MAP9: variants seen among roughly 807,000 people sequenced by gnomAD.
MAP9 encodes the protein microtubule associated protein 9.
MAP9 carries 80 observed loss-of-function variants against 75.2 expected under a neutral mutation model. That is an observed-to-expected ratio of 1.06 (90% CI 0.89 to 1.28). MAP9 has a LOEUF of 1.28. MAP9 is among the 50% of genes most tolerant of loss of function. The probability of loss-of-function intolerance (pLI) is 0.00; values close to 1 mark genes in which losing one functional copy is unlikely to be tolerated. For synonymous variants in MAP9, 235 were observed against 237.3 expected, an observed-to-expected ratio of 0.99 and a Z score of 0.09; for missense variants, 753 against 719.9, an observed-to-expected ratio of 1.05 and a Z score of -0.53.
chr4:155,363,890 C>G (rs1732202782), intron 5 of MAP9, among the ~76,000 whole-genome samples: 1 of 151,960 alleles, frequency 6.6e-6, no homozygotes, highest in South Asian at 2.1e-4. Flanking sequence ...AATTTCAATG[C>G]ATGTGTAACT....
chr4:155,372,799 TA>T (rs950914504), intron 4 of MAP9, among the ~76,000 whole-genome samples: 2 of 152,184 alleles, frequency 1.3e-5, no homozygotes, highest in Admixed American at 1.3e-4. Context: ...GTTCCACACC[TA>T]CAAACAAAAC....
At chr4:155,375,286 CA>C (rs1418986772) in intron 2 of MAP9, among the ~76,000 whole-genome samples, 1 of 152,172 alleles carries the variant, frequency 6.6e-6, no homozygotes, top group African/African-American at 2.4e-5. Context: ...AAATTAATTG[CA>C]GGTTATAATT....
At chr4:155,357,540 A>G in intron 7 of MAP9, 21 bp from the exon 8 acceptor site, 1 of 1,376,886 alleles carries the variant, frequency 7.3e-7, no homozygotes, top group South Asian at 1.2e-5. Context: ...GAAAATGCCA[A>G]AGATGATTTA....
At chr4:155,376,120 G>A (rs1435318333) in intron 1 of MAP9, among the ~76,000 whole-genome samples, 1 of 152,154 alleles carries the variant, frequency 6.6e-6, no homozygotes, top group East Asian at 1.9e-4. Flanking sequence ...TCCTAAAATA[G>A]TTTTGCAACT....
chr4:155,366,196 T>C (rs919511591), intron 5 of MAP9, among the ~76,000 whole-genome samples: 1 of 151,896 alleles, frequency 6.6e-6, no homozygotes, highest in African/African-American at 2.4e-5. Flanking sequence ...CCGTCTCTAC[T>C]AAAAATACAA....
Position 155,368,719 on chromosome 4 carries a change from TC to T in MAP9, c.574del (p.Asp192MetfsTer3). The T allele has an allele frequency of 6.2e-7, 1 of 1,614,066 alleles. No homozygotes were observed. Among genetic ancestry groups the T allele is most frequent in the African/African-American group, 1.3e-5 (1 of 75,064 alleles). On this transcript the variant is annotated frameshift_variant, in exon 5 of 14. Coordinates refer to ENST00000311277, the MANE Select transcript of MAP9 (RefSeq NM_001039580.2). LOFTEE classifies it high-confidence loss of function. ...GGCAGTTTCTTTATCTTCTAGTCCA[TC>T]CTTCTCCTCCATGTGACTTTTCTTT... The part of the protein sequence containing the change: ...LKKKSHMEEK[D>X]GLEDKETALS...
chr4:155,369,341 A>C lies in MAP9; in HGVS notation c.482-529T>G, dbSNP rs1204230212. Among the ~76,000 whole-genome samples, 86 of 147,498 alleles carry C rather than the reference A, an allele frequency of 5.8e-4. 1 individual carries two copies. The highest frequency in any genetic ancestry group is 4.9e-3 in the Admixed American group (70 of 14,412). ...CAAAAATCCATCTAAAAAAAAAAAA[A>C]AAACCAAACAACAACAACAACAAAA... On this transcript the variant is annotated intron_variant, in intron 4 of 13. Coordinates refer to ENST00000311277, the MANE Select transcript of MAP9 (RefSeq NM_001039580.2).
chr4:155,348,189 T>C (rs1437382850), intron 13 of MAP9, among the ~76,000 whole-genome samples: 1 of 151,756 alleles, frequency 6.6e-6, no homozygotes, highest in Non-Finnish European at 1.5e-5. Context: ...ACACAAAAAT[T>C]AGCCAGGTGT....
intron 4 of MAP9, 88 bp from the exon 5 acceptor site, chr4:155,368,900 T>G: frequency 9.6e-7 from 1 of 1,038,052 alleles, no homozygotes; most frequent in Non-Finnish European, 1.4e-6. Flanking sequence ...TTCCCTCCTG[T>G]GCCTATGCCC....
At position 155,375,868 on chromosome 4, in the gene MAP9, T is replaced by C. The variant is rs1560820755; in HGVS notation, c.-18A>G. 6.4e-7 allele frequency: 1 copy of C among 1,558,192 alleles called. No homozygotes were observed. Among genetic ancestry groups the C allele is most frequent in the South Asian group, 1.1e-5 (1 of 88,162 alleles). On this transcript the variant is annotated 5_prime_UTR_variant, in exon 2 of 14. Coordinates refer to ENST00000311277, the MANE Select transcript of MAP9 (RefSeq NM_001039580.2). ...TCAGACATAGTGTATTTTTTCTCGTTACCTTTATAAAATAGCTAATTATTA... is the reference window on the plus strand; with the variant it reads ...TCAGACATAGTGTATTTTTTCTCGTCACCTTTATAAAATAGCTAATTATTA...
At chr4:155,366,034 T>C (rs1732306933) in intron 5 of MAP9, among the ~76,000 whole-genome samples, 1 of 152,066 alleles carries the variant, frequency 6.6e-6, no homozygotes, top group Non-Finnish European at 1.5e-5. Flanking sequence ...TGAGAAAATT[T>C]TCAAATCTAA....
At chr4:155,352,830 AT>A (rs1731578867) in intron 12 of MAP9, 81 bp downstream of exon 12, 1 of 1,419,742 alleles carries the variant, frequency 7.0e-7, no homozygotes, top group Admixed American at 2.2e-5. Flanking sequence ...GCATTACTAA[AT>A]TTCAAGTAAA....
chr4:155,352,716 C>A lies in MAP9; in HGVS notation c.1701G>T (p.Lys567Asn). 6.6e-7 allele frequency: 1 copy of A among 1,516,184 alleles called. No homozygotes were observed. The highest frequency in any genetic ancestry group is 8.9e-7 in the Non-Finnish European group (1 of 1,118,292). The allele number at this position is 1,516,184 out of a possible 1,614,324, so 93.9% of individuals were successfully genotyped here. A position where few individuals can be genotyped will look rare whatever the true frequency, so the allele number is the denominator to read the frequency against. ...TTTCCTTTTGCTTGAAAAAAGCTTC[C>A]TTTTTTTCATTCCTATAGAGCATAG... ...LTAVEKWNEKKEAFFKQKEKE... is the reference protein window; with the variant it reads ...LTAVEKWNEKNEAFFKQKEKE... Residue 567 changes from lysine (K) to asparagine (N), a missense_variant, in exon 13 of 14, where the codon AAG (lysine) becomes AAT (asparagine). Physicochemically the swap from Lys to Asn is moderately conservative, Grantham distance 94. Coordinates refer to ENST00000311277, the MANE Select transcript of MAP9 (RefSeq NM_001039580.2).
intron 10 of MAP9, chr4:155,354,079 A>G (rs957082904): frequency 1.3e-5 from 2 of 152,246 alleles, no homozygotes; most frequent in Admixed American, 6.6e-5. Flanking sequence ...CACTGACCAC[A>G]GCAGCATACT....
rs1237097752 is a variant in MAP9, at chr4:155,355,801, G to A, written c.1205C>T (p.Thr402Ile). 1.2e-6 allele frequency: 2 copies of A among 1,613,860 alleles called. No individual in the cohort carries two copies. Among genetic ancestry groups the A allele is most frequent in the Admixed American group, 1.7e-5 (1 of 59,986 alleles). ...AGGTTTTTGGTCCAAGACTTTTAAAGTCCCTAAATAGTGAGAAGAGGTAGT... is the reference window on the plus strand; with the variant it reads ...AGGTTTTTGGTCCAAGACTTTTAAAATCCCTAAATAGTGAGAAGAGGTAGT... ...STTTSSHYLGTLKVLDQKPSQ... is the reference protein window; with the variant it reads ...STTTSSHYLGILKVLDQKPSQ... The change falls in exon 9 of 14, where the codon ACT (threonine) becomes ATT (isoleucine). Residue 402 changes from threonine to isoleucine, a missense_variant. Coordinates refer to ENST00000311277, the MANE Select transcript of MAP9 (RefSeq NM_001039580.2).
At chr4:155,348,629 C>T (rs1340493957) in intron 13 of MAP9, among the ~76,000 whole-genome samples, 3 of 151,988 alleles carry the variant, frequency 2.0e-5, no homozygotes, top group African/African-American at 2.4e-5. Flanking sequence ...AAAAATTCTG[C>T]CTCATGTTTC....
chr4:155,360,267 T>G lies in MAP9; in HGVS notation c.951A>C (p.Ala317=). Residue 317 remains alanine, a synonymous_variant, in exon 7 of 14, where the codon GCA becomes GCC. Coordinates refer to ENST00000311277, the MANE Select transcript of MAP9 (RefSeq NM_001039580.2). ...VTADDLEEEK[A]KAELIMDDDR... ...CATCATCCATAATCAGTTCCGCTTT[T>G]GCCTTTTCTTCTTCAAGGTCATCAG... 1.2e-6 allele frequency: 2 copies of G among 1,613,294 alleles called. No individual in the cohort carries two copies. The highest frequency in any genetic ancestry group is 1.7e-6 in the Non-Finnish European group (2 of 1,179,444).
intron 8 of MAP9, 120 bp downstream of exon 8, chr4:155,357,329 A>G (rs1197660942): frequency 2.8e-6 from 2 of 702,750 alleles, no homozygotes; most frequent in Non-Finnish European, 5.1e-6. Flanking sequence ...TCATTTTATG[A>G]AATGGAAATA....
rs1404041882 is a variant in MAP9 at position 155,360,365 on chromosome 4, T to A, written c.853A>T (p.Asn285Tyr). Residue 285 changes from asparagine (N) to tyrosine (Y), a missense_variant, in exon 7 of 14, where the codon AAT (asparagine) becomes TAT (tyrosine). Coordinates refer to ENST00000311277, the MANE Select transcript of MAP9 (RefSeq NM_001039580.2). Reference protein sequence around the residue: ...ENHNSLKSDENKENSFSADHV... With the variant: ...ENHNSLKSDEYKENSFSADHV... ...TCTGCTGAAAATGAATTCTCTTTAT[T>A]TTCATCTGATTTCAAGGAATTATGG... The A allele has an allele frequency of 1.2e-6, 2 of 1,612,484 alleles. No homozygotes were observed. The highest frequency in any genetic ancestry group is 1.7e-6 in the Non-Finnish European group (2 of 1,179,060).
Sources: gnomAD v4.1 joint callset for allele counts (sites outside exome capture counted in the v4.1 genomes callset) on GRCh38, gnomAD v4.1.1 for gene constraint, MANE v1.5 for transcripts, NCBI Gene and HGNC (gene_info 2026-07-23, HGNC 2026-07-21) for gene names.